SYT1: variants seen among roughly 807,000 people sequenced by gnomAD.
SYT1 encodes the protein synaptotagmin 1, also known as synaptotagmin-1.
SYT1 carries 8 observed loss-of-function variants against 44.8 expected under a neutral mutation model. The observed-to-expected ratio is 0.18, with a 90% CI of 0.10 to 0.32. The LOEUF is 0.32. Among genes scored for constraint, SYT1 ranks in the 10% least tolerant of loss-of-function variants. SYT1 has a pLI of 1.00. For missense variants in SYT1, 286 were observed against 509.3 expected, an observed-to-expected ratio of 0.56 and a Z score of 4.22; for synonymous variants, 154 against 188.8, an observed-to-expected ratio of 0.82 and a Z score of 1.51.
At chr12:79,306,267 A>C (rs1374083100) in intron 8 of SYT1, among the ~76,000 whole-genome samples, 2 of 152,268 alleles carry the variant, frequency 1.3e-5, no homozygotes, top group African/African-American at 2.4e-5. Context: ...TCTTTAAAAG[A>C]TACCCAGTCA....
intron 3 of SYT1, among the ~76,000 whole-genome samples, chr12:79,176,659 G>A (rs570985941): frequency 6.6e-5 from 10 of 151,972 alleles, no homozygotes; most frequent in African/African-American, 2.4e-4. Flanking sequence ...AAAAGTTTTA[G>A]ACTTACAAAA....
chr12:79,242,680 G>C (rs2138658249), intron 4 of SYT1, among the ~76,000 whole-genome samples: 1 of 152,282 alleles, frequency 6.6e-6, no homozygotes, highest in East Asian at 1.9e-4. Context: ...TAGCAGGGCA[G>C]GATTCAAAAC....
chr12:79,059,510 C>T (rs1007338910), intron 3 of SYT1, among the ~76,000 whole-genome samples: 1 of 152,038 alleles, frequency 6.6e-6, no homozygotes, highest in Non-Finnish European at 1.5e-5. Flanking sequence ...TTAGTTATAA[C>T]ATTCCTTATA....
intron 4 of SYT1, among the ~76,000 whole-genome samples, chr12:79,276,672 C>G (rs1207906451): frequency 8.6e-6 from 1 of 116,148 alleles, no homozygotes; most frequent in East Asian, 2.4e-4. Flanking sequence ...AAGACTCCAT[C>G]AAAAAAAAAA....
At chr12:79,295,785 G>A (rs954711871) in intron 6 of SYT1, among the ~76,000 whole-genome samples, 1 of 152,084 alleles carries the variant, frequency 6.6e-6, no homozygotes, top group Non-Finnish European at 1.5e-5. Context: ...CAACTCTTTT[G>A]CAAAAATGAA....
intron 5 of SYT1, among the ~76,000 whole-genome samples, chr12:79,286,314 T>G (rs1879312248): frequency 6.6e-6 from 1 of 152,216 alleles, no homozygotes; most frequent in Admixed American, 6.5e-5. Context: ...AAAAAGTGCC[T>G]GAGTGTTTTG....
At chr12:79,023,510 T>C (rs1872326585) in intron 2 of SYT1, among the ~76,000 whole-genome samples, 1 of 151,846 alleles carries the variant, frequency 6.6e-6, no homozygotes, top group Admixed American at 6.6e-5. Context: ...GGGAGCTTCA[T>C]TGAGAGCAAT....
chr12:79,207,551 T>G (rs1874197146), intron 3 of SYT1, among the ~76,000 whole-genome samples: 1 of 152,056 alleles, frequency 6.6e-6, no homozygotes, highest in Admixed American at 6.6e-5. Context: ...CGGTGTGTTG[T>G]TCCCCTCCCT....
chr12:79,191,483 G>T (rs1188549050), intron 3 of SYT1, among the ~76,000 whole-genome samples: 1 of 152,108 alleles, frequency 6.6e-6, no homozygotes, highest in Non-Finnish European at 1.5e-5. Flanking sequence ...TTATAATAAT[G>T]ATTCCTGCTA....
chr12:78,885,910 G>A (rs939295215), intron 1 of SYT1, among the ~76,000 whole-genome samples: 7 of 151,956 alleles, frequency 4.6e-5, no homozygotes, highest in African/African-American at 1.7e-4. Context: ...GGCCTATGAT[G>A]GAAGCAAAAT....
chr12:79,401,388 G>A (rs773072367), intron 9 of SYT1, among the ~76,000 whole-genome samples: 38 of 148,856 alleles, frequency 2.6e-4, no homozygotes, highest in Non-Finnish European at 4.8e-4. Flanking sequence ...AGCGAGACCC[G>A]GTGTCAATTA....
At chr12:79,075,779 A>G (rs1482089849) in intron 3 of SYT1, among the ~76,000 whole-genome samples, 1 of 152,130 alleles carries the variant, frequency 6.6e-6, no homozygotes, top group Non-Finnish European at 1.5e-5. Context: ...TCCCCAGCAT[A>G]ATTTTGCCCT....
chr12:79,280,657 A>G (rs1878997792), intron 4 of SYT1, among the ~76,000 whole-genome samples: 1 of 151,956 alleles, frequency 6.6e-6, no homozygotes, highest in African/African-American at 2.4e-5. Context: ...ATAAATAAAT[A>G]GGACTTAAAT....
At chr12:78,980,403 G>A (rs547953565) in intron 2 of SYT1, among the ~76,000 whole-genome samples, 1 of 152,248 alleles carries the variant, frequency 6.6e-6, no homozygotes, top group African/African-American at 2.4e-5. Context: ...AACTTACTTT[G>A]TAAACTAGAT....
At chr12:79,195,300 C>T (rs2138468923) in intron 3 of SYT1, among the ~76,000 whole-genome samples, 1 of 152,126 alleles carries the variant, frequency 6.6e-6, no homozygotes, top group South Asian at 2.1e-4. Context: ...TATATTTGTC[C>T]ATCATCTGTT....
At chr12:78,925,452 A>T (rs11111901) in intron 1 of SYT1, among the ~76,000 whole-genome samples, 28,057 of 151,810 alleles carry the variant, frequency 0.18, 3,215 homozygotes, top group South Asian at 0.38. Context: ...TGGCCATGTT[A>T]TTCATTTGAA....
At chr12:78,943,149 C>T (rs10506797) in intron 1 of SYT1, among the ~76,000 whole-genome samples, 14,165 of 152,102 alleles carry the variant, frequency 0.093, 963 homozygotes, top group East Asian at 0.31. Context: ...GCTAGTTCTT[C>T]GGTCATCTAT....
chr12:79,030,769 A>G (rs1245413775), intron 2 of SYT1, among the ~76,000 whole-genome samples: 1 of 151,134 alleles, frequency 6.6e-6, no homozygotes, highest in Non-Finnish European at 1.5e-5. Flanking sequence ...CCATCCCAAA[A>G]TAAAAACAAT....
At chr12:79,137,021 A>G (rs1869235378) in intron 3 of SYT1, among the ~76,000 whole-genome samples, 2 of 152,202 alleles carry the variant, frequency 1.3e-5, no homozygotes, top group African/African-American at 4.8e-5. Context: ...CCACAAACAC[A>G]ATAATAAAAA....
Sources: gnomAD v4.1 joint callset for allele counts (sites outside exome capture counted in the v4.1 genomes callset) on GRCh38, gnomAD v4.1.1 for gene constraint, MANE v1.5 for transcripts, NCBI Gene and HGNC (gene_info 2026-07-23, HGNC 2026-07-21) for gene names.